The following PACRG variants were observed in gnomAD, a reference collection of about 807,000 sequenced individuals.
PACRG encodes the protein parkin coregulated gene protein.
A neutral mutation model predicts 29.7 loss-of-function variants in PACRG; 29 were observed. The ratio of observed to expected loss-of-function variants is 0.98; its 90% confidence interval spans 0.73 to 1.33. PACRG has a LOEUF of 1.33. Among genes scored for constraint, PACRG ranks in the 40% most tolerant of loss-of-function variants. The pLI, the probability that PACRG is intolerant of heterozygous loss-of-function variation, is 0.00. For missense variants in PACRG, 279 were observed against 316.2 expected (o/e 0.88, Z 0.89); for synonymous variants, 116 against 118.7 (o/e 0.98, Z 0.15).
chr6:162,927,808 AG>A (rs1797557644), intron 2 of PACRG, among the ~76,000 whole-genome samples: 1 of 144,066 alleles, frequency 6.9e-6, no homozygotes, highest in East Asian at 2.1e-4. Context: ...AAAAAAGCAA[AG>A]CAAACAAACA....
At chr6:163,281,676 C>G (rs1784231257) in intron 4 of PACRG, among the ~76,000 whole-genome samples, 1 of 151,956 alleles carries the variant, frequency 6.6e-6, no homozygotes, top group Admixed American at 6.6e-5. Context: ...ATTTAAACAT[C>G]TTATATTCAA....
intron 4 of PACRG, among the ~76,000 whole-genome samples, chr6:163,283,444 T>C (rs1314024774): frequency 6.6e-6 from 1 of 152,248 alleles, no homozygotes; most frequent in African/African-American, 2.4e-5. Context: ...ATTATGTTTT[T>C]CAGATTAGGA....
At chr6:162,912,755 A>AGAGATGGGGTTTCACAATGTT (rs1796393404) in intron 2 of PACRG, among the ~76,000 whole-genome samples, 1 of 151,812 alleles carries the variant, frequency 6.6e-6, no homozygotes, top group Non-Finnish European at 1.5e-5. Context: ...TCTTTTTAGT[A>AGAGATGGGGTTTCACAATGTT]GAGATGGGGT....
At chr6:163,124,571 G>T (rs1939338774) in intron 4 of PACRG, among the ~76,000 whole-genome samples, 1 of 152,074 alleles carries the variant, frequency 6.6e-6, no homozygotes. Context: ...AGAACTTTTT[G>T]GAAAAGAGGC....
chr6:163,122,640 C>T (rs1343165581), intron 4 of PACRG, among the ~76,000 whole-genome samples: 2 of 152,208 alleles, frequency 1.3e-5, no homozygotes, highest in African/African-American at 4.8e-5. Flanking sequence ...CAGAAGTAGA[C>T]ACTGGTGCCA....
At chr6:163,033,231 A>G (rs1807835128) in intron 2 of PACRG, among the ~76,000 whole-genome samples, 1 of 152,102 alleles carries the variant, frequency 6.6e-6, no homozygotes, top group Admixed American at 6.6e-5. Context: ...TTGATGAAAA[A>G]CCTGGTTAGT....
rs1584294383 is a variant in PACRG, at chr6:162,769,322, T to G, written c.156+40931T>G. Among the ~76,000 whole-genome samples the G allele has an allele frequency of 2.3e-5, 3 of 129,624 alleles. No individual in the cohort carries two copies. In the East Asian group the frequency reaches 5.9e-4, roughly 26 times the overall value. 85.0% of individuals were successfully genotyped at this position (129,624 alleles called of 152,430 possible). A position where few individuals can be genotyped will look rare whatever the true frequency, so the allele number is the denominator to read the frequency against. On this transcript the variant is annotated intron_variant, in intron 1 of 4. Coordinates refer to ENST00000366888, the MANE Select transcript of PACRG (RefSeq NM_001080379.2). The stretch of plus-strand genomic sequence containing the variant: ...CAGCCACTGGGAGTTTCGAGGTGGT[T>G]TTTTACTGCTCTAAAACCTAACTTA...
intron 4 of PACRG, among the ~76,000 whole-genome samples, chr6:163,255,523 G>A (rs1216306246): frequency 6.6e-6 from 1 of 152,194 alleles, no homozygotes; most frequent in Non-Finnish European, 1.5e-5. Context: ...AGGTTGTCAG[G>A]CACAGTCAGC....
chr6:163,224,337 G>A (rs1218836566), intron 4 of PACRG, among the ~76,000 whole-genome samples: 3 of 112,226 alleles, frequency 2.7e-5, no homozygotes, highest in African/African-American at 9.8e-5. Flanking sequence ...CCACTGCACT[G>A]TAGCCTGGGC....
Position 162,900,382 on chromosome 6 carries a change from T to A in PACRG, c.291+86101T>A, listed in dbSNP as rs75343999. ...CTTCAACCTGTGATTCCTAGGTGAT[T>A]CCTACAAGGAGACGTGATAGCGTGC... On this transcript the variant is annotated intron_variant, in intron 2 of 4. Coordinates refer to ENST00000366888, the MANE Select transcript of PACRG (RefSeq NM_001080379.2). Among the ~76,000 whole-genome samples, 410 of 152,220 alleles carry A rather than the reference T, an allele frequency of 2.7e-3. 1 individual carries two copies. Among genetic ancestry groups the A allele is most frequent in the Non-Finnish European group, 4.7e-3 (319 of 68,008 alleles).
chr6:163,261,239 TTTTC>T (rs1056726620), intron 4 of PACRG, among the ~76,000 whole-genome samples: 9 of 152,006 alleles, frequency 5.9e-5, no homozygotes, highest in East Asian at 1.9e-4. Context: ...CTGGATTTTC[TTTTC>T]TTTCTATTTT....
At chr6:162,959,050 A>G (rs1800386217) in intron 2 of PACRG, among the ~76,000 whole-genome samples, 1 of 149,688 alleles carries the variant, frequency 6.7e-6, no homozygotes, top group Non-Finnish European at 1.5e-5. Context: ...AGTAGCTGAG[A>G]CTACAGGTGC....
intron 2 of PACRG, among the ~76,000 whole-genome samples, chr6:163,050,513 T>C (rs1391091149): frequency 1.3e-5 from 2 of 152,188 alleles, no homozygotes; most frequent in African/African-American, 4.8e-5. Flanking sequence ...ATTAGCTCTT[T>C]CATCTCATCT....
intron 4 of PACRG, among the ~76,000 whole-genome samples, chr6:163,250,045 TTG>T (rs1782841843): frequency 6.6e-6 from 1 of 152,226 alleles, no homozygotes; most frequent in Non-Finnish European, 1.5e-5. Flanking sequence ...TTGTGAATAG[TTG>T]GTGGCATTCT....
chr6:163,269,977 A>AAGAAAGAAAGAAAGAAAGAAAGAAAG, intron 4 of PACRG, among the ~76,000 whole-genome samples: 1 of 115,432 alleles, frequency 8.7e-6, no homozygotes, highest in African/African-American at 3.5e-5. Flanking sequence ...GAAAGAAAGA[A>AAGAAAGAAAGAAAGAAAGAAAGAAAG]AGAAAGAAAG....
intron 2 of PACRG, among the ~76,000 whole-genome samples, chr6:162,866,489 C>T (rs1312962799): frequency 6.6e-6 from 1 of 152,068 alleles, no homozygotes; most frequent in Non-Finnish European, 1.5e-5. Flanking sequence ...ACATAGAAAC[C>T]CTATGAGCCA....
At chr6:163,048,012 G>A (rs1328077646) in intron 2 of PACRG, among the ~76,000 whole-genome samples, 3 of 152,126 alleles carry the variant, frequency 2.0e-5, no homozygotes, top group Non-Finnish European at 4.4e-5. Flanking sequence ...AATCGTGTAT[G>A]GAAATGCTAT....
intron 2 of PACRG, among the ~76,000 whole-genome samples, chr6:163,001,445 A>G (rs1351331632): frequency 6.6e-6 from 1 of 152,212 alleles, no homozygotes. Context: ...AGAGTTTTTT[A>G]TAATGAAGTG....
At chr6:163,147,701 C>G (rs911615906) in intron 4 of PACRG, among the ~76,000 whole-genome samples, 145 of 152,296 alleles carry the variant, frequency 9.5e-4, no homozygotes, top group African/African-American at 3.3e-3. Context: ...AAGTATTGAG[C>G]ATGTGAGTTA....
Sources: allele counts gnomAD v4.1 joint callset (sites outside exome capture counted in the v4.1 genomes callset), GRCh38; gene constraint gnomAD v4.1.1; transcripts MANE v1.5; gene names NCBI Gene and HGNC (gene_info 2026-07-23, HGNC 2026-07-21).